The following NGEF variants were observed in gnomAD, a reference collection of about 807,000 sequenced individuals.
NGEF encodes the protein neuronal guanine nucleotide exchange factor.
Under a neutral mutation model 80.9 loss-of-function variants are expected in NGEF, and 31 were observed. The ratio of observed to expected loss-of-function variants is 0.38; its 90% CI spans 0.29 to 0.52. NGEF has a LOEUF of 0.52. NGEF is among the 20% of genes least tolerant of loss of function. The pLI, the probability that NGEF is intolerant of heterozygous loss-of-function variation, is 0.84. For missense variants in NGEF, 709 were observed against 926.2 expected (o/e 0.77, Z 3.04); for synonymous variants, 371 against 370.2 (o/e 1.00, Z -0.03).
At chr2:232,987,042 A>G (rs1031523542) in intron 1 of NGEF, among the ~76,000 whole-genome samples, 6 of 152,090 alleles carry the variant, frequency 3.9e-5, no homozygotes, top group Non-Finnish European at 2.9e-5. Context: ...TTTGAGACAG[A>G]GTCTCACTCT....
At chr2:232,897,585 T>C (rs1222561101) in intron 5 of NGEF, among the ~76,000 whole-genome samples, 1 of 152,024 alleles carries the variant, frequency 6.6e-6, no homozygotes, top group Non-Finnish European at 1.5e-5. Flanking sequence ...CACTCTAAAA[T>C]AAGGGACGAA....
intron 3 of NGEF, among the ~76,000 whole-genome samples, chr2:232,937,220 G>A (rs1457497652): frequency 2.0e-5 from 3 of 152,026 alleles, no homozygotes; most frequent in African/African-American, 2.4e-5. Context: ...CACCTGCCTC[G>A]GTCTCTCAAA....
At chr2:232,886,608 T>C (rs1239188766) in intron 9 of NGEF, among the ~76,000 whole-genome samples, 3 of 112,320 alleles carry the variant, frequency 2.7e-5, no homozygotes, top group South Asian at 4.7e-4. Flanking sequence ...AGAGAAAAAA[T>C]AAACCTTCAT....
rs574946908 is a variant in NGEF, at chr2:232,899,236, A to AG, written c.829-4321dup. ...CTGTGTGTGTGAATGTGTGCATATGAGGGGGGCGTGTGAACGTACGTGTCA... is the reference window on the plus strand; with the variant it reads ...CTGTGTGTGTGAATGTGTGCATATGAGGGGGGGCGTGTGAACGTACGTGTCA... On this transcript the variant is annotated intron_variant, in intron 5 of 14. Transcript: ENST00000264051. 4.2e-4 allele frequency among the ~76,000 whole-genome samples: 64 copies of AG among 151,410 alleles called. No homozygotes were observed. In the South Asian group the frequency reaches 0.012, roughly 29 times the overall value.
chr2:232,905,455 C>A (rs1394359670), intron 5 of NGEF, among the ~76,000 whole-genome samples: 3 of 152,258 alleles, frequency 2.0e-5, no homozygotes, highest in Non-Finnish European at 4.4e-5. Flanking sequence ...CTCGCTACAA[C>A]CTCCACCTCC....
At chr2:232,977,503 C>T (rs1340435192) in intron 1 of NGEF, among the ~76,000 whole-genome samples, 2 of 152,208 alleles carry the variant, frequency 1.3e-5, no homozygotes, top group East Asian at 1.9e-4. Flanking sequence ...GCCTGCCTGC[C>T]GCTGGCATTG....
rs772780357 is a variant in NGEF, at chr2:232,920,491, C to T, written c.621G>A (p.Gly207=). Residue 207 remains glycine, a synonymous_variant, in exon 5 of 15, where the codon GGG becomes GGA. Transcript: ENST00000264051. ...QDAEIEDNTN[G]SPASEDTPEE... ...CCGGGGTGTCCTCACTGGCCGGGGA[C>T]CCATTGGTATTGTCTTCTATTTCTG... 3.8e-5 allele frequency: 61 copies of T among 1,610,980 alleles called. No individual in the cohort carries two copies. The highest frequency in any genetic ancestry group is 6.7e-5 in the African/African-American group (5 of 74,818).
Position 232,940,785 on chromosome 2 carries a change from C to T in NGEF, c.384-13599G>A, listed in dbSNP as rs192174982. 5.5e-4 allele frequency among the ~76,000 whole-genome samples: 83 copies of T among 152,156 alleles called. 1 individual carries two copies. Among genetic ancestry groups the T allele is most frequent in the South Asian group, 1.2e-3 (6 of 4,822 alleles). On this transcript the variant is annotated intron_variant, in intron 3 of 14. Coordinates refer to ENST00000264051, the MANE Select transcript of NGEF (RefSeq NM_019850.3). ...AGACTTTTATATGTGGAATTTTAAG[C>T]GTGTGTATATACTTTTTAAAGGACT... is the stretch of plus-strand genomic sequence containing the variant.
At chr2:232,966,473 C>T (rs994246826) in intron 3 of NGEF, among the ~76,000 whole-genome samples, 2 of 152,132 alleles carry the variant, frequency 1.3e-5, no homozygotes, top group Admixed American at 6.5e-5. Context: ...GCCAGTTCAG[C>T]GCTAGATGTT....
At chr2:232,937,574 A>G (rs992627012) in intron 3 of NGEF, among the ~76,000 whole-genome samples, 1 of 152,110 alleles carries the variant, frequency 6.6e-6, no homozygotes, top group Non-Finnish European at 1.5e-5. Flanking sequence ...CTCCCAGTGA[A>G]CCTGAGCTTT....
rs771518876 is a variant in NGEF, at chr2:232,881,231, G to A, written c.1857C>T (p.Cys619=). The part of the protein sequence containing the change: ...SRLLDCPQVQ[C]VHPYVAQQPD... ...GCTGCTGAGCCACGTATGGGTGCAC[G>A]CACTGGACCTGGGGGCAGTCTGAGG... Residue 619 remains cysteine, a synonymous_variant, in exon 14 of 15, where the codon TGC becomes TGT. Transcript: ENST00000264051. The A allele has an allele frequency of 6.8e-6, 11 of 1,608,978 alleles. No homozygotes were observed. Among genetic ancestry groups the A allele is most frequent in the East Asian group, 4.5e-5 (2 of 44,846 alleles).
At chr2:232,888,483 A>G (rs947250073) in intron 8 of NGEF, among the ~76,000 whole-genome samples, 2 of 151,878 alleles carry the variant, frequency 1.3e-5, no homozygotes, top group African/African-American at 4.8e-5. Flanking sequence ...CAGTGCACAC[A>G]CATGTACACA....
In NGEF at chr2:232,892,808, G is replaced by A. The variant is rs1691924356; in HGVS notation, c.1142+90C>T. On this transcript the variant is annotated intron_variant, in intron 7 of 14. Coordinates refer to ENST00000264051, the MANE Select transcript of NGEF (RefSeq NM_019850.3). This position sits in a 1 kb window ranked among gnomAD's most constrained non-coding sequence, Gnocchi z 4.0. ...GAACGCAGAGGTAAAGGACCATGAAGTGTCACCGTGTAAGGAGCCTGGGCC... is the reference window on the plus strand; with the variant it reads ...GAACGCAGAGGTAAAGGACCATGAAATGTCACCGTGTAAGGAGCCTGGGCC... 7.2e-7 allele frequency: 1 copy of A among 1,383,038 alleles called. No homozygotes were observed. Among genetic ancestry groups the A allele is most frequent in the Non-Finnish European group, 1.0e-6 (1 of 997,014 alleles). 85.7% of individuals were successfully genotyped at this position (1,383,038 alleles called of 1,614,324 possible).
At chr2:232,995,605 T>TAC (rs372182492) in intron 1 of NGEF, among the ~76,000 whole-genome samples, 1 of 55,126 alleles carries the variant, frequency 1.8e-5, no homozygotes, top group Non-Finnish European at 4.9e-5. Flanking sequence ...TGTATATATA[T>TAC]ACAGTATGTA....
chr2:233,012,827 A>C, intron 1 of NGEF: 1 of 470,662 alleles, frequency 2.1e-6, no homozygotes, highest in South Asian at 1.5e-5. Context: ...GAGCGCCTGG[A>C]AGGAGTCCTT....
chr2:233,001,884 G>A (rs1021911423), intron 1 of NGEF, among the ~76,000 whole-genome samples: 1 of 152,098 alleles, frequency 6.6e-6, no homozygotes, highest in African/African-American at 2.4e-5. Flanking sequence ...TTGTGGTGGC[G>A]TGCACCTGTA....
At chr2:233,006,378 A>G (rs1213371585) in intron 1 of NGEF, among the ~76,000 whole-genome samples, 1 of 152,188 alleles carries the variant, frequency 6.6e-6, no homozygotes, top group Non-Finnish European at 1.5e-5. Flanking sequence ...AGGTGCCTCA[A>G]GGGAGATTTG....
chr2:232,984,897 C>T (rs924843898), intron 1 of NGEF, among the ~76,000 whole-genome samples: 1 of 152,168 alleles, frequency 6.6e-6, no homozygotes, highest in East Asian at 1.9e-4. Context: ...TGGAGATCTG[C>T]CTATCTGCAC....
chr2:232,958,014 T>C (rs573404221), intron 3 of NGEF, among the ~76,000 whole-genome samples: 3 of 152,232 alleles, frequency 2.0e-5, no homozygotes, highest in Non-Finnish European at 4.4e-5. Flanking sequence ...GTTTCACAGA[T>C]AGAAAATTCA....
Sources: gnomAD v4.1 joint callset for allele counts (sites outside exome capture counted in the v4.1 genomes callset) on GRCh38, gnomAD v4.1.1 for gene constraint, Gnocchi (gnomAD v3.1) non-coding constraint, MANE v1.5 for transcripts, NCBI Gene and HGNC (gene_info 2026-07-23, HGNC 2026-07-21) for gene names.